Variants in LTAP1 observed in about 807,000 individuals in gnomAD.
LTAP1 encodes the protein HCV NS5A-transactivated protein 4.
the LTAP1 span, among the ~76,000 whole-genome samples, chr1:154,214,926 C>T: frequency 2.0e-5 from 3 of 151,430 alleles, no homozygotes; most frequent in Non-Finnish European, 4.4e-5. Flanking sequence ...TTCACTGCAA[C>T]CTCCGCCTCC....
chr1:154,219,444 TC>T, the LTAP1 span, among the ~76,000 whole-genome samples: 1 of 152,208 alleles, frequency 6.6e-6, no homozygotes, highest in Non-Finnish European at 1.5e-5. Flanking sequence ...ATGGAGCTCC[TC>T]TTAAGTCTAA....
chr1:154,214,396 G>T, the LTAP1 span: 2 of 1,134,078 alleles, frequency 1.8e-6, no homozygotes, highest in Non-Finnish European at 2.7e-6. Context: ...AACTCTGAGA[G>T]AAAAGGAATT....
chr1:154,218,760 G>A, the LTAP1 span, among the ~76,000 whole-genome samples: 4 of 152,330 alleles, frequency 2.6e-5, no homozygotes, highest in South Asian at 8.3e-4. Context: ...AACTGGCATG[G>A]TGCCTGCATT....
At chr1:154,220,275 A>G in the LTAP1 span, 1 of 1,573,530 alleles carries the variant, frequency 6.4e-7, no homozygotes, top group African/African-American at 1.3e-5. Context: ...GACGGGGTAC[A>G]GCTCAAAAGG....
chr1:154,218,667 C>T, the LTAP1 span, among the ~76,000 whole-genome samples: 1 of 152,130 alleles, frequency 6.6e-6, no homozygotes, highest in Non-Finnish European at 1.5e-5. Flanking sequence ...ATGTGTAGGC[C>T]CTGGCACTAA....
the LTAP1 span, chr1:154,214,432 A>G: frequency 6.8e-7 from 1 of 1,479,396 alleles, no homozygotes; most frequent in Non-Finnish European, 9.4e-7. Flanking sequence ...TCCTCACTGA[A>G]GCATTCCAAG....
At chr1:154,220,329 G>C in the LTAP1 span, 7 of 1,613,904 alleles carry the variant, frequency 4.3e-6, no homozygotes, top group Admixed American at 6.7e-5. Flanking sequence ...ATGGGGTGGG[G>C]TAATCTCCTC....
the LTAP1 span, chr1:154,220,533 G>C: frequency 1.1e-6 from 1 of 926,250 alleles, no homozygotes; most frequent in African/African-American, 1.7e-5. Context: ...TACGGGGGAA[G>C]ACCAAGCCAG....
At chr1:154,216,164 C>T in the LTAP1 span, among the ~76,000 whole-genome samples, 1 of 151,936 alleles carries the variant, frequency 6.6e-6, no homozygotes, top group Non-Finnish European at 1.5e-5. Context: ...GTCTTGTGTG[C>T]CCATCCCTCA....
chr1:154,219,397 G>A, the LTAP1 span, among the ~76,000 whole-genome samples: 1 of 152,148 alleles, frequency 6.6e-6, no homozygotes, highest in Admixed American at 6.5e-5. Context: ...CTTTTCTTGG[G>A]CTTCTTGGTA....
chr1:154,210,534 A>G, the LTAP1 span, among the ~76,000 whole-genome samples: 1 of 151,882 alleles, frequency 6.6e-6, no homozygotes, highest in Admixed American at 6.6e-5. Flanking sequence ...CTGGAGTGGA[A>G]TGGCACGATC....
At chr1:154,216,926 G>A in the LTAP1 span, among the ~76,000 whole-genome samples, 1 of 151,902 alleles carries the variant, frequency 6.6e-6, no homozygotes. Flanking sequence ...TAGGATTACA[G>A]GTGTAAACCA....
At chr1:154,219,580 T>C in the LTAP1 span, among the ~76,000 whole-genome samples, 15 of 152,286 alleles carry the variant, frequency 9.8e-5, no homozygotes, top group Non-Finnish European at 1.9e-4. Flanking sequence ...CTACAAACAG[T>C]TGGGAACTTC....
chr1:154,218,608 C>T, the LTAP1 span, among the ~76,000 whole-genome samples: 1 of 152,190 alleles, frequency 6.6e-6, no homozygotes. Context: ...AGCTCTAGCT[C>T]TACAACTAAC....
chr1:154,215,755 A>G, the LTAP1 span, among the ~76,000 whole-genome samples: 1 of 152,218 alleles, frequency 6.6e-6, no homozygotes, highest in Non-Finnish European at 1.5e-5. Context: ...ACATAGATGT[A>G]CATTTTAAAT....
chr1:154,206,862 TTTA>T, the LTAP1 span: 1 of 154,954 alleles, frequency 6.5e-6, no homozygotes, highest in African/African-American at 2.4e-5. Context: ...TTTTATTCAA[TTTA>T]TTAATGAGAG....
chr1:154,219,333 G>A, the LTAP1 span, among the ~76,000 whole-genome samples: 2 of 152,302 alleles, frequency 1.3e-5, no homozygotes, highest in South Asian at 2.1e-4. Flanking sequence ...TACAGACAAA[G>A]ATAAAAGACC....
chr1:154,211,843 C>G, the LTAP1 span: 2,686 of 160,568 alleles, frequency 0.017, 77 homozygotes, highest in African/African-American at 0.062. Context: ...TGTATAGTTG[C>G]ATCTGCTTTC....
chr1:154,208,581 G>A, the LTAP1 span: 2 of 152,026 alleles, frequency 1.3e-5, no homozygotes, highest in Non-Finnish European at 2.9e-5. Flanking sequence ...CCCAATATAG[G>A]TATCACCTTG....
Sources: allele counts gnomAD v4.1 joint callset (sites outside exome capture counted in the v4.1 genomes callset), GRCh38; gene constraint gnomAD v4.1.1; transcripts MANE v1.5; gene names NCBI Gene and HGNC (gene_info 2026-07-23, HGNC 2026-07-21).